Variants in ZGRF1 observed in about 807,000 individuals in gnomAD.
The protein encoded by ZGRF1 is 5'-3' DNA helicase ZGRF1.
A neutral mutation model predicts 203.5 loss-of-function variants in ZGRF1; 196 were observed. The ratio of observed to expected loss-of-function variants is 0.96; its 90% CI spans 0.86 to 1.08. ZGRF1 has a LOEUF of 1.08. ZGRF1 is among the 50% of genes least tolerant of loss of function. ZGRF1 has a pLI of 0.00. For missense variants in ZGRF1, 2,326 were observed against 2,416.3 expected, an observed-to-expected ratio of 0.96 and a Z score of 0.78; for synonymous variants, 809 against 841.3, an observed-to-expected ratio of 0.96 and a Z score of 0.66.
chr4:112,584,452 A>G (rs943731211), intron 14 of ZGRF1, among the ~76,000 whole-genome samples: 2 of 152,200 alleles, frequency 1.3e-5, no homozygotes, highest in African/African-American at 4.8e-5. Flanking sequence ...AACAACCTGA[A>G]AACTGTCCAG....
intron 10 of ZGRF1, among the ~76,000 whole-genome samples, chr4:112,600,137 T>C (rs1001691860): frequency 3.9e-5 from 6 of 152,058 alleles, no homozygotes; most frequent in Admixed American, 6.6e-5. Context: ...GCTCAAGCAA[T>C]CCTCCTACCT....
At chr4:112,551,515 T>C (rs1739954397) in intron 22 of ZGRF1, among the ~76,000 whole-genome samples, 1 of 152,162 alleles carries the variant, frequency 6.6e-6, no homozygotes, top group Non-Finnish European at 1.5e-5. Flanking sequence ...AAGAAAACAT[T>C]ACAACTGCCT....
intron 8 of ZGRF1, chr4:112,607,864 A>G (rs4834294): frequency 0.68 from 102,765 of 152,078 alleles, 35,181 homozygotes; most frequent in East Asian, 0.95. Flanking sequence ...TGGCTTGAGC[A>G]CTGGAGGTCA....
intron 4 of ZGRF1, among the ~76,000 whole-genome samples, chr4:112,623,220 G>T (rs1016799842): frequency 6.6e-6 from 1 of 152,116 alleles, no homozygotes; most frequent in Non-Finnish European, 1.5e-5. Flanking sequence ...ATATTTCATG[G>T]TGTATTTCTA....
chr4:112,556,614 G>A (rs1740987299), intron 20 of ZGRF1, among the ~76,000 whole-genome samples: 1 of 152,040 alleles, frequency 6.6e-6, no homozygotes, highest in East Asian at 1.9e-4. Context: ...GGCTAGTCTT[G>A]AACTCCTGGC....
In ZGRF1 at chr4:112,545,649, C is replaced by T. The variant is rs144296462; in HGVS notation, c.5598+1636G>A. On this transcript the variant is annotated intron_variant, in intron 24 of 27. Transcript: ENST00000505019. ...TTCTGGGTATGTATTGAACTGAAAG[C>T]AGGGATTTGAACAAGTATCTGTATA... Among the ~76,000 whole-genome samples the T allele has an allele frequency of 5.3e-5, 8 of 152,224 alleles. No individual in the cohort carries two copies. The East Asian group carries it at 1.2e-3, about 22-fold the overall frequency.
chr4:112,555,933 C>T (rs1012729196), intron 20 of ZGRF1, among the ~76,000 whole-genome samples: 5 of 152,042 alleles, frequency 3.3e-5, no homozygotes, highest in African/African-American at 9.7e-5. Context: ...TCTAACTTCT[C>T]GTTTTTTTGT....
chr4:112,561,778 T>C (rs1367230069), intron 18 of ZGRF1, among the ~76,000 whole-genome samples: 1 of 152,006 alleles, frequency 6.6e-6, no homozygotes, highest in Non-Finnish European at 1.5e-5. Context: ...AATATAAAAA[T>C]ACAGATAATA....
intron 10 of ZGRF1, 119 bp from the exon 11 acceptor site, chr4:112,589,993 C>T (rs955593552): frequency 8.9e-5 from 58 of 650,818 alleles, no homozygotes; most frequent in Non-Finnish European, 1.3e-4. Flanking sequence ...TTATGTAGAG[C>T]TATGGTGGGG....
chr4:112,554,558 T>G (rs1740599728), intron 21 of ZGRF1, 147 bp downstream of exon 21: 1 of 553,482 alleles, frequency 1.8e-6, no homozygotes, highest in Non-Finnish European at 3.2e-6. Flanking sequence ...AAACCATCAT[T>G]CTCAGCAAAA....
chr4:112,576,606 A>C (rs1745278756), intron 16 of ZGRF1, among the ~76,000 whole-genome samples: 1 of 152,334 alleles, frequency 6.6e-6, no homozygotes, highest in Non-Finnish European at 1.5e-5. Context: ...GCTGAAAACC[A>C]TGGCACGAGA....
chr4:112,589,925 T>C (rs1747866873), intron 10 of ZGRF1, 51 bp from the exon 11 acceptor site: 1 of 1,404,546 alleles, frequency 7.1e-7, no homozygotes, highest in Non-Finnish European at 9.6e-7. Flanking sequence ...CTGATTTTTT[T>C]CTTTAGTTTG....
chr4:112,616,256 A>T (rs539626693), intron 6 of ZGRF1, among the ~76,000 whole-genome samples: 1 of 152,088 alleles, frequency 6.6e-6, no homozygotes, highest in Non-Finnish European at 1.5e-5. Context: ...GCAGTGGCTC[A>T]TGCCTGTAAT....
intron 9 of ZGRF1, chr4:112,605,742 T>C (rs1750672000): frequency 2.6e-6 from 1 of 384,766 alleles, no homozygotes. Flanking sequence ...CATGGCTTTG[T>C]GTCCAACCCC....
Position 112,554,221 on chromosome 4 carries a change from C to G in ZGRF1, c.5199-239G>C, listed in dbSNP as rs369884667. On this transcript the variant is annotated intron_variant, in intron 21 of 27. Coordinates refer to ENST00000505019, the MANE Select transcript of ZGRF1 (RefSeq NM_018392.5). Reference sequence around the variant, plus strand: ...CTCCCCCCTCCCCCCACCCACAACACGCCCCAGTGTGTGATGTTCCCCTTC... The same window carrying G: ...CTCCCCCCTCCCCCCACCCACAACAGGCCCCAGTGTGTGATGTTCCCCTTC... Among the ~76,000 whole-genome samples, 11 of 120,340 alleles carry G rather than the reference C, an allele frequency of 9.1e-5. No individual in the cohort carries two copies. The East Asian group carries it at 2.8e-3, about 31-fold the overall frequency. 78.9% of individuals were successfully genotyped at this position (120,340 alleles called of 152,430 possible).
chr4:112,630,054 C>A, intron 3 of ZGRF1: 1 of 165,830 alleles, frequency 6.0e-6, no homozygotes, highest in South Asian at 1.2e-4. Context: ...GTTTTTTCAA[C>A]TTAAGTTGCT....
chr4:112,619,654 C>A lies in ZGRF1; in HGVS notation c.388G>T (p.Val130Phe). The stretch of plus-strand genomic sequence containing the variant: ...GCTGATTCACCACTTTCCATAATAA[C>A]CATTTTCTTTGGAACCTGACGTGGT... ...QGPRQVPKKM[V>F]IMESGESAAS... The change falls in exon 6 of 28, where the codon GTT becomes TTT. Residue 130 changes from valine to phenylalanine, a missense_variant. Coordinates refer to ENST00000505019, the MANE Select transcript of ZGRF1 (RefSeq NM_018392.5). 6.2e-7 allele frequency: 1 copy of A among 1,612,096 alleles called. No individual in the cohort carries two copies. The highest frequency in any genetic ancestry group is 8.5e-7 in the Non-Finnish European group (1 of 1,179,382).
At chr4:112,633,851 T>C (rs968260132) in intron 1 of ZGRF1, among the ~76,000 whole-genome samples, 1 of 152,206 alleles carries the variant, frequency 6.6e-6, no homozygotes, top group Non-Finnish European at 1.5e-5. Flanking sequence ...TTCTTTTTTT[T>C]CCCCTAAGGT....
intron 6 of ZGRF1, among the ~76,000 whole-genome samples, chr4:112,612,948 G>A (rs919011260): frequency 1.3e-5 from 1 of 79,382 alleles, no homozygotes; most frequent in African/African-American, 4.3e-5. Context: ...CCGGACAACT[G>A]TTAGGAAAGA....
Sources: allele counts gnomAD v4.1 joint callset (sites outside exome capture counted in the v4.1 genomes callset), GRCh38; gene constraint gnomAD v4.1.1; transcripts MANE v1.5; gene names NCBI Gene and HGNC (gene_info 2026-07-23, HGNC 2026-07-21).